Variants in ATR observed in about 807,000 individuals in gnomAD.
ATR encodes the protein serine/threonine-protein kinase ATR.
ATR carries 142 observed loss-of-function variants against 305.3 expected under a neutral mutation model. That is an observed-to-expected ratio of 0.47 (90% CI 0.41 to 0.53). The LOEUF (loss-of-function observed/expected upper bound fraction) is 0.53, where lower values mean the gene tolerates loss of function less well. Among genes scored for constraint, ATR ranks in the 20% least tolerant of loss-of-function variants. The pLI, the probability that ATR is intolerant of heterozygous loss-of-function variation, is 0.00. For synonymous variants in ATR, 1,050 were observed against 1,068.1 expected, an observed-to-expected ratio of 0.98 and a Z score of 0.33; for missense variants, 2,135 against 3,133.1, an observed-to-expected ratio of 0.68 and a Z score of 7.60.
Position 142,553,290 on chromosome 3 carries a change from C to A in ATR, c.2742G>T (p.Leu914=), listed in dbSNP as rs2108462208. Residue 914 remains leucine (L), a synonymous_variant, in exon 13 of 47, where the codon CTG becomes CTT. Transcript: ENST00000350721. ...SGAAYTEIRA[L]VAAKSVKLQS... is the part of the protein sequence containing the mutation. ...GCAGTTTAACACTTTTAGCTGCAAC[C>A]AGAGCTCTAATTTCTGTGTATGCTG... The A allele has an allele frequency of 3.1e-6, 5 of 1,614,090 alleles. No homozygotes were observed. Among genetic ancestry groups the A allele is most frequent in the Non-Finnish European group, 4.2e-6 (5 of 1,180,024 alleles).
chr3:142,557,343 A>C (rs1469848805), intron 8 of ATR, among the ~76,000 whole-genome samples: 1 of 152,158 alleles, frequency 6.6e-6, no homozygotes, highest in Non-Finnish European at 1.5e-5. Context: ...TGTAATTGTG[A>C]AAAGTTGGAA....
At chr3:142,493,091 G>A (rs2031387212) in intron 35 of ATR, 41 bp downstream of exon 35, 1 of 1,596,388 alleles carries the variant, frequency 6.3e-7, no homozygotes, top group African/African-American at 1.3e-5. Flanking sequence ...ATTTTACGTA[G>A]TCAACAGAGT....
chr3:142,509,289 G>A (rs180892329), intron 27 of ATR, among the ~76,000 whole-genome samples: 4 of 152,068 alleles, frequency 2.6e-5, no homozygotes, highest in African/African-American at 4.8e-5. Flanking sequence ...TCAGCCTCCC[G>A]AGTAGCTGGG....
chr3:142,452,181 G>A, intron 46 of ATR: 2 of 1,008,084 alleles, frequency 2.0e-6, no homozygotes, highest in Non-Finnish European at 1.2e-6. Context: ...TACAGGTCTA[G>A]CCTTCCTCGA....
chr3:142,482,719 C>T (rs137981009), intron 36 of ATR, among the ~76,000 whole-genome samples: 108 of 151,860 alleles, frequency 7.1e-4, no homozygotes, highest in African/African-American at 2.5e-3. Context: ...GCCTATAGTC[C>T]TAACTACTAA....
chr3:142,453,159 A>C lies in ATR; in HGVS notation c.7730T>G (p.Leu2577Arg), dbSNP rs1350687705. The change falls in exon 46 of 47, where the codon CTG (leucine) becomes CGG (arginine). Residue 2577 changes from leucine (L) to arginine (R), a missense_variant. Physicochemically the swap from Leu to Arg is moderately radical, Grantham distance 102 (BLOSUM62 -2). Coordinates refer to ENST00000350721, the MANE Select transcript of ATR (RefSeq NM_001184.4). ...ATTGACAACTTCTCCAGTTTCATTC[A>C]GTGGCGCTTTGGAATGCCCTTTCAC... is the stretch of plus-strand genomic sequence containing the variant. ...KPVKGHSKAPLNETGEVVNEK... is the reference protein window; with the variant it reads ...KPVKGHSKAPRNETGEVVNEK... 6.2e-7 allele frequency: 1 copy of C among 1,614,130 alleles called. No homozygotes were observed. Among genetic ancestry groups the C allele is most frequent in the Non-Finnish European group, 8.5e-7 (1 of 1,179,994 alleles).
chr3:142,552,669 C>CAAAAAAAAAAAAAAAAAAAAAAA (rs143475912), intron 13 of ATR, among the ~76,000 whole-genome samples: 1 of 93,328 alleles, frequency 1.1e-5, no homozygotes, highest in Non-Finnish European at 2.1e-5. Context: ...TACTCCATCT[C>CAAAAAAAAAAAAAAAAAAAAAAA]AAAAAAAAAA....
rs1417133084 is a variant in ATR at position 142,522,714 on chromosome 3, A to G, written c.4266+14T>C. 3.2e-6 allele frequency: 5 copies of G among 1,579,052 alleles called. No individual in the cohort carries two copies. Among genetic ancestry groups the G allele is most frequent in the Non-Finnish European group, 4.4e-6 (5 of 1,148,218 alleles). ...AAACAATTTAAAGCCAGTAATGACT[A>G]TATCCACTCTTACCTGAATGGCATA... On this transcript the variant is annotated intron_variant, in intron 23 of 46. Coordinates refer to ENST00000350721, the MANE Select transcript of ATR (RefSeq NM_001184.4).
rs1577652413 is a variant in ATR, at chr3:142,535,074, G to A, written c.3945+6C>T. ...ATACATTTTTAATTATATCATATTA[G>A]CATACCTGATTTTTATACAAGGTTT... On this transcript the variant is annotated splice_donor_region_variant and intron_variant, in intron 21 of 46. Coordinates refer to ENST00000350721, the MANE Select transcript of ATR (RefSeq NM_001184.4). The A allele has an allele frequency of 1.2e-6, 2 of 1,608,800 alleles. No homozygotes were observed. Among genetic ancestry groups the A allele is most frequent in the East Asian group, 2.2e-5 (1 of 44,706 alleles).
intron 20 of ATR, among the ~76,000 whole-genome samples, 190 bp downstream of exon 20, chr3:142,535,918 C>G (rs1181029792): frequency 6.6e-6 from 1 of 152,148 alleles, no homozygotes; most frequent in Non-Finnish European, 1.5e-5. Flanking sequence ...CATATTTAAT[C>G]TAAATGCTAA....
At chr3:142,495,166 GC>G (rs1308929278) in intron 34 of ATR, among the ~76,000 whole-genome samples, 1 of 152,092 alleles carries the variant, frequency 6.6e-6, no homozygotes, top group Non-Finnish European at 1.5e-5. Flanking sequence ...GTAATAAATT[GC>G]ATTTTGAACA....
chr3:142,493,967 A>G (rs1223707899), intron 34 of ATR, among the ~76,000 whole-genome samples: 1 of 151,504 alleles, frequency 6.6e-6, no homozygotes, highest in Non-Finnish European at 1.5e-5. Flanking sequence ...GCAGGAGTCC[A>G]AGGCATCAGT....
chr3:142,519,285 ATATC>A (rs2033039707), intron 24 of ATR, among the ~76,000 whole-genome samples: 1 of 152,040 alleles, frequency 6.6e-6, no homozygotes, highest in Non-Finnish European at 1.5e-5. Context: ...TTAAAAAACT[ATATC>A]AAAAATCACA....
chr3:142,564,939 G>T (rs1019692135), intron 3 of ATR, among the ~76,000 whole-genome samples: 4 of 146,522 alleles, frequency 2.7e-5, no homozygotes, highest in Admixed American at 2.0e-4. Context: ...TTTTGTTTTG[G>T]TTTGGTTTGG....
At chr3:142,550,061 G>C in intron 14 of ATR, 71 bp downstream of exon 14, 1 of 1,572,260 alleles carries the variant, frequency 6.4e-7, no homozygotes, top group Non-Finnish European at 8.7e-7. Flanking sequence ...TCATATCAAA[G>C]TCAAAATCTA....
intron 13 of ATR, among the ~76,000 whole-genome samples, chr3:142,552,958 G>A (rs1332649643): frequency 6.6e-6 from 1 of 151,756 alleles, no homozygotes; most frequent in Admixed American, 6.6e-5. Flanking sequence ...GGCCTGTAAG[G>A]GGGGTGGGGG....
rs149882558 is a variant in ATR, at chr3:142,540,918, A to T, written c.3567T>A (p.Pro1189=). The change falls in exon 18 of 47, where the codon CCT becomes CCA. Residue 1189 remains proline, a synonymous_variant. Transcript: ENST00000350721. ...RTGLRFKDDF[P]ELCCRAWDCF... is the part of the protein sequence containing the mutation. ...CAGTCATTTACCTGCAACACAATTCAGGAAAATCATCCTTGAATCGAAGGC... is the reference window on the plus strand; with the variant it reads ...CAGTCATTTACCTGCAACACAATTCTGGAAAATCATCCTTGAATCGAAGGC... 1 of 1,612,012 alleles carries T rather than the reference A, an allele frequency of 6.2e-7. No individual in the cohort carries two copies. Among genetic ancestry groups the T allele is most frequent in the South Asian group, 1.1e-5 (1 of 90,806 alleles).
chr3:142,555,469 G>A (rs1229479300), intron 10 of ATR, among the ~76,000 whole-genome samples: 1 of 152,064 alleles, frequency 6.6e-6, no homozygotes, highest in Non-Finnish European at 1.5e-5. Flanking sequence ...ACTGGAAAGT[G>A]GCCAAGAAGA....
chr3:142,468,126 A>T, intron 38 of ATR, 58 bp from the exon 39 acceptor site: 16 of 1,585,332 alleles, frequency 1.0e-5, no homozygotes, highest in Non-Finnish European at 1.4e-5. Context: ...TTTTTAAAAG[A>T]TAAATTTTTT....
Sources: allele counts gnomAD v4.1 joint callset (sites outside exome capture counted in the v4.1 genomes callset), GRCh38; gene constraint gnomAD v4.1.1; transcripts MANE v1.5; gene names NCBI Gene and HGNC (gene_info 2026-07-23, HGNC 2026-07-21).